Variants in JAKMIP1 observed in about 807,000 individuals in gnomAD.
JAKMIP1 encodes janus kinase and microtubule-interacting protein 1.
A neutral mutation model predicts 113.0 loss-of-function variants in JAKMIP1; 33 were observed. The ratio of observed to expected loss-of-function variants is 0.29; its 90% CI spans 0.22 to 0.39. JAKMIP1 has a LOEUF of 0.39. JAKMIP1 is among the 10% of genes least tolerant of loss of function. The pLI, the probability that JAKMIP1 is intolerant of heterozygous loss-of-function variation, is 1.00. For synonymous variants in JAKMIP1, 480 were observed against 459.9 expected (o/e 1.04, Z -0.56); for missense variants, 813 against 1,080.5 (o/e 0.75, Z 3.47).
At chr4:6,182,932 G>A (rs766149392) in intron 1 of JAKMIP1, among the ~76,000 whole-genome samples, 10 of 152,190 alleles carry the variant, frequency 6.6e-5, no homozygotes, top group Non-Finnish European at 1.2e-4. Context: ...GTCCCTCAAG[G>A]TCTGCTCACA....
In JAKMIP1 at chr4:6,094,546, C is replaced by T. The variant is rs1025946456; in HGVS notation, c.625-8917G>A. Among the ~76,000 whole-genome samples, 8 of 152,336 alleles carry T rather than the reference C, an allele frequency of 5.3e-5. No homozygotes were observed. Among genetic ancestry groups the T allele is most frequent in the South Asian group, 2.1e-4 (1 of 4,820 alleles). ...GGGCACCCAGCCTAGGCTGGTCCAT[C>T]GGCCCCTGTTCTCCTAGTTGAGATC... On this transcript the variant is annotated intron_variant, in intron 3 of 20. Transcript: ENST00000409021. The surrounding 1 kb of genome is among the most constrained non-coding windows in gnomAD (Gnocchi z 4.2).
rs1354867391 is a variant in JAKMIP1, at chr4:6,188,250, G to A, written c.-148+12003C>T. On this transcript the variant is annotated intron_variant, in intron 1 of 20. Coordinates refer to ENST00000409021, the MANE Select transcript of JAKMIP1 (RefSeq NM_001099433.2). The surrounding 1 kb of genome is among the most constrained non-coding windows in gnomAD (Gnocchi z 5.8). ...GGCAGAATGGGGCCACTGTATTTTCGAGATCCCCTTTGTGACATGTGGTGA... is the reference window on the plus strand; with the variant it reads ...GGCAGAATGGGGCCACTGTATTTTCAAGATCCCCTTTGTGACATGTGGTGA... Among the ~76,000 whole-genome samples the A allele has an allele frequency of 1.3e-5, 2 of 152,138 alleles. No homozygotes were observed. The highest frequency in any genetic ancestry group is 6.5e-5 in the Admixed American group (1 of 15,274).
intron 20 of JAKMIP1, among the ~76,000 whole-genome samples, chr4:6,028,393 G>A (rs1209154470): frequency 6.6e-6 from 1 of 152,176 alleles, no homozygotes; most frequent in African/African-American, 2.4e-5. Flanking sequence ...GTCCACTTGC[G>A]ACCCGGCAGG....
Position 6,045,531 on chromosome 4 carries a change from C to T in JAKMIP1, c.2029-3304G>A, listed in dbSNP as rs115437171. Among the ~76,000 whole-genome samples the T allele has an allele frequency of 6.9e-3, 1,058 of 152,254 alleles. 9 individuals are homozygous for T. The highest frequency in any genetic ancestry group is 0.024 in the African/African-American group (996 of 41,556). ...CTGTTTGTAGCGAAATCAACACAGG[C>T]ACATCATAGGACATTCCTTCAGGTT... On this transcript the variant is annotated intron_variant, in intron 16 of 20. Transcript: ENST00000409021.
chr4:6,084,207 C>T (rs187353144), intron 5 of JAKMIP1, among the ~76,000 whole-genome samples: 316 of 151,838 alleles, frequency 2.1e-3, no homozygotes, highest in African/African-American at 7.0e-3. Context: ...ATCCCAGCTA[C>T]TCGGGAGGCT....
intron 3 of JAKMIP1, among the ~76,000 whole-genome samples, chr4:6,092,539 C>A (rs1022497117): frequency 6.6e-6 from 1 of 152,146 alleles, no homozygotes; most frequent in Non-Finnish European, 1.5e-5. Flanking sequence ...TTGGTTCTGC[C>A]CAGCTATGAA....
chr4:6,152,239 G>A (rs970108157), intron 1 of JAKMIP1, among the ~76,000 whole-genome samples: 2 of 152,164 alleles, frequency 1.3e-5, no homozygotes, highest in Admixed American at 6.5e-5. Flanking sequence ...CTAAATGGGA[G>A]TAAAAAGGTG....
chr4:6,161,793 C>T (rs75669764), intron 1 of JAKMIP1, among the ~76,000 whole-genome samples: 1,604 of 152,070 alleles, frequency 0.011, 32 homozygotes, highest in African/African-American at 0.037. Flanking sequence ...ACTGGAGGGC[C>T]GGATTAGATG....
intron 1 of JAKMIP1, among the ~76,000 whole-genome samples, chr4:6,151,862 T>A (rs1384944170): frequency 6.6e-6 from 1 of 152,244 alleles, no homozygotes; most frequent in East Asian, 1.9e-4. Flanking sequence ...AGTGTTGTTA[T>A]GAGAATTAAA....
Position 6,181,695 on chromosome 4 carries a change from C to T in JAKMIP1, c.-148+18558G>A, listed in dbSNP as rs1012080801. Among the ~76,000 whole-genome samples the T allele has an allele frequency of 3.9e-5, 6 of 152,172 alleles. No homozygotes were observed. Among genetic ancestry groups the T allele is most frequent in the Non-Finnish European group, 5.9e-5 (4 of 68,014 alleles). ...CATCAGAGAGGGAGAGCAGCAGCAACGCAAGCTCCATTCATTCATTCATTC... is the reference window on the plus strand; with the variant it reads ...CATCAGAGAGGGAGAGCAGCAGCAATGCAAGCTCCATTCATTCATTCATTC... On this transcript the variant is annotated intron_variant, in intron 1 of 20. Transcript: ENST00000409021. The surrounding 1 kb of genome is among the most constrained non-coding windows in gnomAD (Gnocchi z 5.4).
At chr4:6,039,033 G>T (rs1045986136) in intron 18 of JAKMIP1, among the ~76,000 whole-genome samples, 1 of 152,182 alleles carries the variant, frequency 6.6e-6, no homozygotes, top group African/African-American at 2.4e-5. Flanking sequence ...AGAATCCAGG[G>T]GCTGCGTCAG....
rs901688501 is a variant in JAKMIP1 at position 6,065,092 on chromosome 4, AG to A, written c.1303-85del. ...TCCCTGGTCGTGGGCATGCCAGTGCAGGGGGGTGATGATTGACATTTGGGCC... is the reference window on the plus strand; with the variant it reads ...TCCCTGGTCGTGGGCATGCCAGTGCAGGGGGTGATGATTGACATTTGGGCC... On this transcript the variant is annotated intron_variant, in intron 8 of 20. Coordinates refer to ENST00000409021, the MANE Select transcript of JAKMIP1 (RefSeq NM_001099433.2). The surrounding 1 kb of genome is among the most constrained non-coding windows in gnomAD (Gnocchi z 5.1). 8 of 1,545,370 alleles carry A rather than the reference AG, an allele frequency of 5.2e-6. No homozygotes were observed. Among genetic ancestry groups the A allele is most frequent in the African/African-American group, 1.4e-5 (1 of 73,784 alleles).
Position 6,086,149 on chromosome 4 carries a change from C to T in JAKMIP1, c.625-520G>A, listed in dbSNP as rs970241902. Among the ~76,000 whole-genome samples, 1 of 152,166 alleles carries T rather than the reference C, an allele frequency of 6.6e-6. No individual in the cohort carries two copies. The highest frequency in any genetic ancestry group is 1.5e-5 in the Non-Finnish European group (1 of 68,026). ...CGTTGTCCTCCCGCCCTGACTCCGT[C>T]ACCCACTCCCAGACTCACGACCTCC... On this transcript the variant is annotated intron_variant, in intron 3 of 20. Transcript: ENST00000409021. This position sits in a 1 kb window ranked among gnomAD's most constrained non-coding sequence, Gnocchi z 4.1.
chr4:6,028,659 G>T (rs560030445), intron 20 of JAKMIP1, among the ~76,000 whole-genome samples: 1 of 152,114 alleles, frequency 6.6e-6, no homozygotes, highest in Non-Finnish European at 1.5e-5. Flanking sequence ...CACAAGACCG[G>T]CCTCAGACAC....
intron 5 of JAKMIP1, among the ~76,000 whole-genome samples, chr4:6,082,176 G>A (rs972343319): frequency 3.6e-4 from 54 of 152,056 alleles, no homozygotes; most frequent in African/African-American, 1.3e-3. Context: ...ACTTCACAAA[G>A]AAAGTGCCAA....
At chr4:6,078,887 C>A (rs1043347956) in intron 8 of JAKMIP1, 52 bp downstream of exon 8, 11 of 1,594,404 alleles carry the variant, frequency 6.9e-6, no homozygotes, top group Non-Finnish European at 9.5e-6. Context: ...ATCTGCCCTG[C>A]AGATCCGTGA....
chr4:6,150,539 C>T lies in JAKMIP1; in HGVS notation c.-147-37542G>A, dbSNP rs935346913. ...TGGTTTCCGCATCCAGGAATAGACA[C>T]CCGCTTCTTAATCCCTGCCTCGGAG... On this transcript the variant is annotated intron_variant, in intron 1 of 20. Transcript: ENST00000409021. The surrounding 1 kb of genome is among the most constrained non-coding windows in gnomAD (Gnocchi z 4.8). 1.3e-5 allele frequency: 2 copies of T among 152,280 alleles called. No individual in the cohort carries two copies. Among genetic ancestry groups the T allele is most frequent in the African/African-American group, 4.8e-5 (2 of 41,428 alleles). 9.4% of individuals were successfully genotyped at this position (152,280 alleles called of 1,614,324 possible). A position where few individuals can be genotyped will look rare whatever the true frequency, so the allele number is the denominator to read the frequency against.
chr4:6,134,335 C>T (rs1718933190), intron 1 of JAKMIP1, among the ~76,000 whole-genome samples: 1 of 152,160 alleles, frequency 6.6e-6, no homozygotes, highest in African/African-American at 2.4e-5. Flanking sequence ...CAGGTAGTAT[C>T]TTTATAGCAA....
chr4:6,062,567 G>T (rs13131531), intron 9 of JAKMIP1, 127 bp from the exon 10 acceptor site: 1 of 972,784 alleles, frequency 1.0e-6, no homozygotes. Flanking sequence ...GGTCAACTTA[G>T]ACATCAAACG....
Sources: gnomAD v4.1 joint callset for allele counts (sites outside exome capture counted in the v4.1 genomes callset) on GRCh38, gnomAD v4.1.1 for gene constraint, Gnocchi (gnomAD v3.1) non-coding constraint, MANE v1.5 for transcripts, NCBI Gene and HGNC (gene_info 2026-07-23, HGNC 2026-07-21) for gene names.